Variants in CLCN5 observed in about 807,000 individuals in gnomAD.
CLCN5 encodes the protein Cl-/H+ antiporter 5, also known as H(+)/Cl(-) exchange transporter 5.
Under a neutral mutation model 54.0 loss-of-function variants are expected in CLCN5, and 17 were observed. That is an observed-to-expected ratio of 0.31 (90% CI 0.22 to 0.47). The LOEUF (loss-of-function observed/expected upper bound fraction) is 0.47, where lower values mean the gene tolerates loss of function less well. Ranked by LOEUF, CLCN5 falls within the 20% of genes least tolerant of loss-of-function variation. CLCN5 has a pLI of 1.00. For synonymous variants in CLCN5, 222 were observed against 233.0 expected (o/e 0.95, Z 0.43); for missense variants, 448 against 646.7 (o/e 0.69, Z 3.33).
intron 3 of CLCN5, among the ~76,000 whole-genome samples, chrX:49,990,265 A>G (rs1187305772): frequency 9.1e-6 from 1 of 110,261 alleles, no homozygotes; most frequent in African/African-American, 3.3e-5. Flanking sequence ...CCCGGGTCCA[A>G]GCAATTCTCC....
intron 4 of CLCN5, among the ~76,000 whole-genome samples, chrX:50,062,187 T>G (rs1397669318): frequency 5.5e-5 from 5 of 91,119 alleles, no homozygotes; most frequent in Admixed American, 1.3e-4. Flanking sequence ...TGGACTAAAT[T>G]CTCCAATTAA....
At position 50,033,038 on chromosome X, in the gene CLCN5, C is replaced by T. The variant is rs1465333915; in HGVS notation, c.17-9278C>T. ...CAAAGATCAGATAGTTGTAGATATGCGGCGTTATTTCTGAGGGCTCTGTTC... is the reference window on the plus strand; with the variant it reads ...CAAAGATCAGATAGTTGTAGATATGTGGCGTTATTTCTGAGGGCTCTGTTC... On this transcript the variant is annotated intron_variant, in intron 3 of 14. Coordinates refer to ENST00000376091, the MANE Select transcript of CLCN5 (RefSeq NM_001127898.4). 1.4e-4 allele frequency among the ~76,000 whole-genome samples: 16 copies of T among 110,636 alleles called. 1 individual carries two copies. Among genetic ancestry groups the T allele is most frequent in the Middle Eastern group, 4.7e-3 (1 of 215 alleles).
chrX:50,071,937 C>G (rs1255909486), intron 5 of CLCN5, among the ~76,000 whole-genome samples: 1 of 111,269 alleles, frequency 9.0e-6, no homozygotes, highest in Admixed American at 9.6e-5. Flanking sequence ...CTCCTGATAG[C>G]CTTGATGTTA....
chrX:50,080,899 A>G (rs1217903987), intron 8 of CLCN5, among the ~76,000 whole-genome samples, 183 bp downstream of exon 8: 1 of 111,551 alleles, frequency 9.0e-6, no homozygotes, highest in Non-Finnish European at 1.9e-5. Flanking sequence ...AGGAAATTAA[A>G]GGGAGTTGAT....
chrX:49,941,809 T>G (rs1374667780), intron 3 of CLCN5, among the ~76,000 whole-genome samples: 5 of 110,493 alleles, frequency 4.5e-5, no homozygotes, highest in Admixed American at 9.8e-5. Context: ...AGCCTTTTCC[T>G]TTCTCACAAT....
In CLCN5 at chrX:49,972,226, A is replaced by C. The variant is rs190838912; in HGVS notation, c.16+46912A>C. On this transcript the variant is annotated intron_variant, in intron 3 of 14. Coordinates refer to ENST00000376091, the MANE Select transcript of CLCN5 (RefSeq NM_001127898.4). Reference sequence around the variant, plus strand: ...ATGGCCCTTTACCCCCAAATAATTGAGTATGTATTTATTGGGAATAGAGAC... The same window carrying C: ...ATGGCCCTTTACCCCCAAATAATTGCGTATGTATTTATTGGGAATAGAGAC... Among the ~76,000 whole-genome samples, 408 of 107,021 alleles carry C rather than the reference A, an allele frequency of 3.8e-3. 2 individuals carry two copies. The highest frequency in any genetic ancestry group is 0.021 in the South Asian group (50 of 2,335). 92.9% of individuals were successfully genotyped at this position (107,021 alleles called of 115,157 possible).
intron 3 of CLCN5, among the ~76,000 whole-genome samples, chrX:49,935,827 G>A (rs1444798951): frequency 9.0e-6 from 1 of 110,793 alleles, no homozygotes; most frequent in Non-Finnish European, 1.9e-5. Context: ...AAATTGGAAA[G>A]GTGGGCAGGG....
chrX:50,004,100 T>C (rs1557181038), intron 3 of CLCN5, among the ~76,000 whole-genome samples: 2 of 112,078 alleles, frequency 1.8e-5, no homozygotes. Flanking sequence ...TAGACACTCA[T>C]GTAGATATGA....
chrX:50,017,549 C>T, intron 3 of CLCN5, among the ~76,000 whole-genome samples: 1 of 111,440 alleles, frequency 9.0e-6, no homozygotes, highest in Non-Finnish European at 1.9e-5. Context: ...TAAAAGGTCA[C>T]CACCAAACCT....
intron 3 of CLCN5, among the ~76,000 whole-genome samples, chrX:49,966,612 A>ATTT (rs1183495910): frequency 2.6e-4 from 5 of 19,085 alleles, no homozygotes; most frequent in African/African-American, 4.3e-4. Context: ...TTTTTTTTTT[A>ATTT]TTTTTTTATT....
intron 3 of CLCN5, chrX:50,008,655 C>T (rs1774593526): frequency 7.5e-6 from 2 of 266,607 alleles, no homozygotes; most frequent in Admixed American, 8.5e-5. Context: ...GGTCCCTACC[C>T]TCATGGAGCT....
At chrX:50,087,852 G>C (rs1432495934) in intron 11 of CLCN5, among the ~76,000 whole-genome samples, 1 of 111,494 alleles carries the variant, frequency 9.0e-6, no homozygotes, top group Non-Finnish European at 1.9e-5. Flanking sequence ...TCAAACACAG[G>C]CTATTTTAAA....
intron 3 of CLCN5, among the ~76,000 whole-genome samples, chrX:50,015,468 A>G (rs1557183386): frequency 9.3e-6 from 1 of 107,725 alleles, no homozygotes; most frequent in African/African-American, 3.4e-5. Flanking sequence ...CTGATCTTGT[A>G]TGCACCCCAC....
intron 4 of CLCN5, among the ~76,000 whole-genome samples, chrX:50,063,353 A>C (rs1352687870): frequency 9.6e-6 from 1 of 103,958 alleles, no homozygotes; most frequent in Non-Finnish European, 1.9e-5. Flanking sequence ...CAGAAATACA[A>C]ACTACCATCA....
intron 7 of CLCN5, among the ~76,000 whole-genome samples, chrX:50,076,996 C>T (rs1015665617): frequency 4.5e-5 from 5 of 112,178 alleles, no homozygotes; most frequent in Admixed American, 9.4e-5. Flanking sequence ...CCAACAAAGA[C>T]AGGTACCATC....
chrX:49,949,114 T>C (rs1477575078), intron 3 of CLCN5, among the ~76,000 whole-genome samples: 3 of 112,340 alleles, frequency 2.7e-5, no homozygotes, highest in East Asian at 5.6e-4. Flanking sequence ...AAATTTAGGA[T>C]AATCATGGAC....
At chrX:50,003,706 C>T in intron 3 of CLCN5, 1 of 280,585 alleles carries the variant, frequency 3.6e-6, no homozygotes. Context: ...TCCTTTCTCC[C>T]ATCTCAGTCT....
chrX:49,975,844 G>A (rs1557176839), intron 3 of CLCN5, among the ~76,000 whole-genome samples: 1 of 112,249 alleles, frequency 8.9e-6, no homozygotes, highest in East Asian at 2.8e-4. Context: ...AGTGGAAGAG[G>A]CTTCATCGCT....
chrX:50,035,207 T>C (rs781853842), intron 3 of CLCN5, among the ~76,000 whole-genome samples: 1 of 111,820 alleles, frequency 8.9e-6, no homozygotes, highest in Non-Finnish European at 1.9e-5. Context: ...CTAGCTGCTG[T>C]GTAATTGCAT....
Sources: allele counts gnomAD v4.1 joint callset (sites outside exome capture counted in the v4.1 genomes callset), GRCh38; gene constraint gnomAD v4.1.1; transcripts MANE v1.5; gene names NCBI Gene and HGNC (gene_info 2026-07-23, HGNC 2026-07-21).